The following C1QTNF3 variants were observed in gnomAD, a reference collection of about 807,000 sequenced individuals.
C1QTNF3 encodes C1q and TNF related 3, also known as complement C1q tumor necrosis factor-related protein 3.
A neutral mutation model predicts 32.6 loss-of-function variants in C1QTNF3; 26 were observed. That is an observed-to-expected ratio of 0.80 (90% CI 0.58 to 1.11). The LOEUF is 1.11. C1QTNF3 is among the 50% of genes least tolerant of loss of function. C1QTNF3 has a pLI of 0.00. For synonymous variants in C1QTNF3, 155 were observed against 146.0 expected (o/e 1.06, Z -0.44); for missense variants, 362 against 398.2 (o/e 0.91, Z 0.77).
the C1QTNF3 span, among the ~76,000 whole-genome samples, chr5:34,142,944 G>C: frequency 6.6e-6 from 1 of 152,220 alleles, no homozygotes; most frequent in African/African-American, 2.4e-5. Flanking sequence ...TGAAATGACT[G>C]AGATGATGGA....
chr5:34,134,742 G>A, the C1QTNF3 span, among the ~76,000 whole-genome samples: 2 of 152,032 alleles, frequency 1.3e-5, no homozygotes, highest in Middle Eastern at 3.2e-3. Flanking sequence ...TTGGTGTATA[G>A]GAATGCTTGT....
At position 34,020,750 on chromosome 5, in the gene C1QTNF3, G is replaced by T; in HGVS notation, c.801-8C>A. The T allele has an allele frequency of 2.5e-6, 4 of 1,606,498 alleles. 1 individual carries two copies. The South Asian group carries it at 4.4e-5, about 18-fold the overall frequency. On this transcript the variant is annotated splice_region_variant and splice_polypyrimidine_tract_variant and intron_variant, in intron 5 of 5. Coordinates refer to ENST00000382065, the MANE Select transcript of C1QTNF3 (RefSeq NM_181435.6). ...TTGCCCTTCATTTCATAGCTGGAAAGAAAAAGAGGAACAAACTACTTAGTT... is the reference window on the plus strand; with the variant it reads ...TTGCCCTTCATTTCATAGCTGGAAATAAAAAGAGGAACAAACTACTTAGTT...
At chr5:34,137,559 T>C in the C1QTNF3 span, among the ~76,000 whole-genome samples, 1 of 152,304 alleles carries the variant, frequency 6.6e-6, no homozygotes, top group Admixed American at 6.5e-5. Context: ...AAACACTATA[T>C]GTGGGCAACC....
rs1332678649 is a variant in C1QTNF3, at chr5:34,042,684, AT to A, written c.303+138del. 5 of 804,950 alleles carry A rather than the reference AT, an allele frequency of 6.2e-6. No individual in the cohort carries two copies. The East Asian group carries it at 1.0e-4, about 17-fold the overall frequency. The allele number at this position is 804,950 out of a possible 1,614,324, so 49.9% of individuals were successfully genotyped here. On this transcript the variant is annotated intron_variant, in intron 1 of 5. Coordinates refer to ENST00000382065, the MANE Select transcript of C1QTNF3 (RefSeq NM_181435.6). The stretch of plus-strand genomic sequence containing the variant: ...GTACCCAAGAGCAATCCAGAAAGAG[AT>A]TCACAAGCAGCTTAGCGAACTTCTC...
chr5:34,144,571 A>G, the C1QTNF3 span, among the ~76,000 whole-genome samples: 1 of 152,218 alleles, frequency 6.6e-6, no homozygotes, highest in Non-Finnish European at 1.5e-5. Context: ...TAGATATCAT[A>G]CAAACCACAC....
At chr5:34,138,299 G>A in the C1QTNF3 span, among the ~76,000 whole-genome samples, 2,505 of 152,152 alleles carry the variant, frequency 0.016, 39 homozygotes, top group Non-Finnish European at 0.027. Flanking sequence ...TAATACTAAC[G>A]TGAACACTAT....
At chr5:34,225,017 G>C in the C1QTNF3 span, among the ~76,000 whole-genome samples, 12 of 152,264 alleles carry the variant, frequency 7.9e-5, no homozygotes, top group African/African-American at 2.9e-4. Flanking sequence ...CTTCTCAAAA[G>C]AAGATATTTA....
At chr5:34,060,309 A>G in the C1QTNF3 span, among the ~76,000 whole-genome samples, 1 of 152,216 alleles carries the variant, frequency 6.6e-6, no homozygotes, top group Non-Finnish European at 1.5e-5. Flanking sequence ...CCTAGATGGT[A>G]TCGCCTACTA....
chr5:34,065,892 T>C, the C1QTNF3 span, among the ~76,000 whole-genome samples: 8 of 152,180 alleles, frequency 5.3e-5, no homozygotes, highest in African/African-American at 7.2e-5. Flanking sequence ...ATGTTCATTG[T>C]TGTGCTGTTC....
chr5:34,202,697 T>C, the C1QTNF3 span, among the ~76,000 whole-genome samples: 3 of 152,210 alleles, frequency 2.0e-5, no homozygotes, highest in Non-Finnish European at 4.4e-5. Flanking sequence ...CATATGTACA[T>C]TGTATTATTT....
At chr5:34,107,358 AT>A in the C1QTNF3 span, among the ~76,000 whole-genome samples, 1 of 149,412 alleles carries the variant, frequency 6.7e-6, no homozygotes, top group East Asian at 2.0e-4. Flanking sequence ...ATGATATAGC[AT>A]GTTATACTGT....
chr5:34,224,733 T>C, the C1QTNF3 span, among the ~76,000 whole-genome samples: 3 of 152,092 alleles, frequency 2.0e-5, no homozygotes, highest in East Asian at 1.9e-4. Context: ...ATTCAGGACA[T>C]AGGCATGGGC....
the C1QTNF3 span, among the ~76,000 whole-genome samples, chr5:34,235,756 A>C: frequency 6.6e-6 from 1 of 152,098 alleles, no homozygotes; most frequent in Admixed American, 6.5e-5. Context: ...AGTTTGGTTT[A>C]CTTGTCCATT....
At chr5:34,098,417 A>G in the C1QTNF3 span, among the ~76,000 whole-genome samples, 1 of 152,152 alleles carries the variant, frequency 6.6e-6, no homozygotes, top group Non-Finnish European at 1.5e-5. Context: ...TTAGTTCACA[A>G]TAATTTTCAT....
the C1QTNF3 span, among the ~76,000 whole-genome samples, chr5:34,197,621 T>G: frequency 6.6e-6 from 1 of 151,960 alleles, no homozygotes; most frequent in African/African-American, 2.4e-5. Flanking sequence ...TGGATTTGGG[T>G]AGGTGGTTCT....
chr5:34,128,955 G>A, the C1QTNF3 span, among the ~76,000 whole-genome samples: 1 of 152,156 alleles, frequency 6.6e-6, no homozygotes, highest in Non-Finnish European at 1.5e-5. Context: ...AGAACAATAT[G>A]GTTTGGCTCT....
At chr5:34,103,820 C>G in the C1QTNF3 span, among the ~76,000 whole-genome samples, 2 of 145,700 alleles carry the variant, frequency 1.4e-5, no homozygotes, top group Admixed American at 1.4e-4. Context: ...AAAATTCTGT[C>G]TCTAAAAAAA....
rs941639988 is a variant in C1QTNF3, at chr5:34,020,874, G to A, written c.801-132C>T. ...GCTAAGTTCTCTAAACAGCCTGTGAGCAGAAATGACCTATGTACCACTTCT... is the reference window on the plus strand; with the variant it reads ...GCTAAGTTCTCTAAACAGCCTGTGAACAGAAATGACCTATGTACCACTTCT... On this transcript the variant is annotated intron_variant, in intron 5 of 5. Transcript: ENST00000382065. 36 of 898,184 alleles carry A rather than the reference G, an allele frequency of 4.0e-5. No individual in the cohort carries two copies. The East Asian group carries it at 8.9e-4, about 22-fold the overall frequency. 55.6% of individuals were successfully genotyped at this position (898,184 alleles called of 1,614,324 possible).
At chr5:34,095,014 T>C in the C1QTNF3 span, among the ~76,000 whole-genome samples, 1 of 151,676 alleles carries the variant, frequency 6.6e-6, no homozygotes, top group Non-Finnish European at 1.5e-5. Context: ...ATGTATATAA[T>C]GCACATGTGT....
Sources: allele counts gnomAD v4.1 joint callset (sites outside exome capture counted in the v4.1 genomes callset), GRCh38; gene constraint gnomAD v4.1.1; transcripts MANE v1.5; gene names NCBI Gene and HGNC (gene_info 2026-07-23, HGNC 2026-07-21).